Variants in PCDHA4 observed in about 807,000 individuals in gnomAD.
The protein encoded by PCDHA4 is protocadherin alpha 4.
In PCDHA4, 49 loss-of-function variants were observed where a neutral mutation model predicts 61.4. That is an observed-to-expected ratio of 0.80 (90% CI 0.63 to 1.01). The LOEUF (loss-of-function observed/expected upper bound fraction) is 1.01, where lower values mean the gene tolerates loss of function less well. PCDHA4 is among the 50% of genes least tolerant of loss of function. The pLI, the probability that PCDHA4 is intolerant of heterozygous loss-of-function variation, is 0.00. For synonymous variants in PCDHA4, 590 were observed against 550.3 expected, an observed-to-expected ratio of 1.07 and a Z score of -1.01; for missense variants, 1,254 against 1,235.8, an observed-to-expected ratio of 1.01 and a Z score of -0.22.
At chr5:140,964,013 A>G (rs155811) in intron 1 of PCDHA4, among the ~76,000 whole-genome samples, 53,810 of 151,994 alleles carry the variant, frequency 0.35, 9,678 homozygotes, top group East Asian at 0.53. Context: ...TTTTTAATAG[A>G]GAGCTCTTGA....
At chr5:140,877,792 C>T (rs782259804) in intron 1 of PCDHA4, 1 of 1,614,004 alleles carries the variant, frequency 6.2e-7, no homozygotes, top group Non-Finnish European at 8.5e-7. Context: ...GGCCTTCAGC[C>T]CAAGCCTTCA....
chr5:140,876,784 A>T (rs1336979041), intron 1 of PCDHA4: 1 of 1,614,094 alleles, frequency 6.2e-7, no homozygotes, highest in Non-Finnish European at 8.5e-7. Flanking sequence ...GCTGTGGGCC[A>T]CGGCTAGAGT....
intron 1 of PCDHA4, chr5:140,843,571 C>G: frequency 1.3e-6 from 2 of 1,595,974 alleles, no homozygotes; most frequent in Non-Finnish European, 1.7e-6. Context: ...GCTGGTCATA[C>G]TCGCAACAAC....
Position 140,870,720 on chromosome 5 carries a change from G to A in PCDHA4, c.2385+61148G>A, listed in dbSNP as rs544150374. ...AGTTCCAGGTGAGCGCGCGCGATGC[G>A]GGCGTGCCGCCTCTGAGCAGCAACG... On this transcript the variant is annotated intron_variant, in intron 1 of 3. Coordinates refer to ENST00000530339, the MANE Select transcript of PCDHA4 (RefSeq NM_018907.4). The A allele has an allele frequency of 3.7e-6, 6 of 1,613,204 alleles. No homozygotes were observed. In the East Asian group the frequency reaches 6.7e-5, roughly 18 times the overall value.
chr5:140,871,598 G>A (rs2053214620), intron 1 of PCDHA4: 1 of 1,452,006 alleles, frequency 6.9e-7, no homozygotes, highest in African/African-American at 1.4e-5. Flanking sequence ...TGAATAACCA[G>A]TGTTTTGAAT....
chr5:140,830,936 T>C (rs1771298831), intron 1 of PCDHA4: 1 of 152,346 alleles, frequency 6.6e-6, no homozygotes, highest in South Asian at 2.1e-4. Context: ...TGTCGACACT[T>C]TTATTAAGCT....
intron 1 of PCDHA4, chr5:140,883,895 C>T: frequency 6.2e-7 from 1 of 1,613,426 alleles, no homozygotes; most frequent in Non-Finnish European, 8.5e-7. Flanking sequence ...CTCTGGCGTG[C>T]CGCCTCTGGG....
intron 1 of PCDHA4, chr5:140,823,959 G>A (rs2150130810): frequency 1.1e-4 from 177 of 1,613,954 alleles, no homozygotes; most frequent in Non-Finnish European, 1.4e-4. Flanking sequence ...AGCCCACCGA[G>A]GCCGTGTGCA....
Position 140,808,435 on chromosome 5 carries a change from G to T in PCDHA4, c.1248G>T (p.Glu416Asp). 1 of 1,614,194 alleles carries T rather than the reference G, an allele frequency of 6.2e-7. No homozygotes were observed. Among genetic ancestry groups the T allele is most frequent in the Non-Finnish European group, 8.5e-7 (1 of 1,180,050 alleles). The change falls in exon 1 of 4, where the codon GAG (glutamate) becomes GAT (aspartate). Residue 416 changes from glutamate (E) to aspartate (D), a missense_variant. Glu to Asp is a conservative substitution (Grantham distance 45, BLOSUM62 2). Transcript: ENST00000530339. ...SLVLDSALDRESVSAYELVVT... is the reference protein window; with the variant it reads ...SLVLDSALDRDSVSAYELVVT... ...TGCTGGACAGTGCCCTGGACCGCGA[G>T]AGCGTGTCAGCCTATGAGCTGGTGG...
chr5:140,957,954 T>G (rs2095401085), intron 1 of PCDHA4, among the ~76,000 whole-genome samples: 2 of 152,138 alleles, frequency 1.3e-5, no homozygotes, highest in Admixed American at 1.3e-4. Context: ...TTAAGACTAT[T>G]AATTCAGAGA....
chr5:140,834,240 C>A, intron 1 of PCDHA4: 1 of 807,006 alleles, frequency 1.2e-6, no homozygotes, highest in Non-Finnish European at 1.9e-6. Flanking sequence ...CATTCCTTTT[C>A]GCACTGGAAA....
chr5:140,828,597 C>A lies in PCDHA4; in HGVS notation c.2385+19025C>A, dbSNP rs1365615001. 16 of 1,614,084 alleles carry A rather than the reference C, an allele frequency of 9.9e-6. No individual in the cohort carries two copies. Among genetic ancestry groups the A allele is most frequent in the Non-Finnish European group, 1.4e-5 (16 of 1,180,058 alleles). On this transcript the variant is annotated intron_variant, in intron 1 of 3. Coordinates refer to ENST00000530339, the MANE Select transcript of PCDHA4 (RefSeq NM_018907.4). ...GATGTTGGCTCAAATTCCATCTTAACCTATAAACTCAGTTCTAGCGAATAC... is the reference window on the plus strand; with the variant it reads ...GATGTTGGCTCAAATTCCATCTTAAACTATAAACTCAGTTCTAGCGAATAC...
chr5:140,876,979 G>T lies in PCDHA4; in HGVS notation c.2385+67407G>T. ...GGTGGAGCGGCGGGTGGGCGAGCAC[G>T]CACTGTCGAGCTACGTGTCGGTGCA... On this transcript the variant is annotated intron_variant, in intron 1 of 3. Transcript: ENST00000530339. The T allele has an allele frequency of 2.5e-6, 4 of 1,612,614 alleles. No homozygotes were observed. The South Asian group carries it at 3.3e-5, about 13-fold the overall frequency.
At chr5:140,844,873 C>T (rs2150374535) in intron 1 of PCDHA4, among the ~76,000 whole-genome samples, 1 of 149,368 alleles carries the variant, frequency 6.7e-6, no homozygotes, top group African/African-American at 2.4e-5. Flanking sequence ...ATTAAATACC[C>T]ATTAGACTTC....
At chr5:140,862,678 C>T (rs1490436756) in intron 1 of PCDHA4, 1 of 550,784 alleles carries the variant, frequency 1.8e-6, no homozygotes, top group Non-Finnish European at 3.6e-6. Context: ...GGAGAACGTG[C>T]TGGTGTCCTA....
intron 1 of PCDHA4, among the ~76,000 whole-genome samples, chr5:140,891,121 T>C (rs74535477): frequency 0.041 from 6,261 of 152,308 alleles, 144 homozygotes; most frequent in Middle Eastern, 0.061. Context: ...TCAATCTAAA[T>C]GTCATTCCTT....
Position 140,982,517 on chromosome 5 carries a change from A to T in PCDHA4, c.2487A>T (p.Pro829=), listed in dbSNP as rs990701966. The T allele has an allele frequency of 2.5e-5, 41 of 1,614,116 alleles. No individual in the cohort carries two copies. The highest frequency in any genetic ancestry group is 3.4e-5 in the Non-Finnish European group (40 of 1,180,048). Residue 829 remains proline, a synonymous_variant, in exon 3 of 4, where the codon CCA becomes CCT. Coordinates refer to ENST00000530339, the MANE Select transcript of PCDHA4 (RefSeq NM_018907.4). The part of the protein sequence containing the change: ...LEEAGILRAG[P]GGPDQQWPTV... ...AGGCTGGCATTCTACGGGCTGGTCC[A>T]GGAGGGCCTGATCAGCAGTGGCCAA...
intron 1 of PCDHA4, among the ~76,000 whole-genome samples, chr5:140,896,631 C>A (rs1583239619): frequency 6.6e-6 from 1 of 152,014 alleles, no homozygotes; most frequent in East Asian, 1.9e-4. Context: ...CCTGCCTTGG[C>A]CTCCCAAAGT....
At chr5:140,811,878 T>C (rs1764980666) in intron 1 of PCDHA4, 2 of 152,210 alleles carry the variant, frequency 1.3e-5, no homozygotes, top group African/African-American at 2.4e-5. Context: ...GTGTTTAGGT[T>C]CTTTGTAGAT....
Sources: gnomAD v4.1 joint callset for allele counts (sites outside exome capture counted in the v4.1 genomes callset) on GRCh38, gnomAD v4.1.1 for gene constraint, MANE v1.5 for transcripts, NCBI Gene and HGNC (gene_info 2026-07-23, HGNC 2026-07-21) for gene names.